SCAF8: variants seen among roughly 807,000 people sequenced by gnomAD.
SCAF8 encodes the protein SR-related and CTD-associated factor 8.
A neutral mutation model predicts 140.5 loss-of-function variants in SCAF8; 23 were observed. That is an observed-to-expected ratio of 0.16 (90% CI 0.12 to 0.23). The LOEUF (loss-of-function observed/expected upper bound fraction) is 0.23, where lower values mean the gene tolerates loss of function less well. Among genes scored for constraint, SCAF8 ranks in the 10% least tolerant of loss-of-function variants. The probability of loss-of-function intolerance (pLI) is 1.00; values close to 1 mark genes in which losing one functional copy is unlikely to be tolerated. For missense variants in SCAF8, 1,397 were observed against 1,555.7 expected (o/e 0.90, Z 1.72); for synonymous variants, 575 against 528.9 (o/e 1.09, Z -1.20).
At chr6:154,759,552 A>T (rs1270026533) in intron 1 of SCAF8, among the ~76,000 whole-genome samples, 6 of 152,206 alleles carry the variant, frequency 3.9e-5, no homozygotes, top group Admixed American at 3.3e-4. Flanking sequence ...AGGCAAAGAT[A>T]ATGAGAAAGC....
rs1284345678 is a variant in SCAF8, at chr6:154,808,490, C to T, written c.1114-196C>T. Among the ~76,000 whole-genome samples, 7 of 150,928 alleles carry T rather than the reference C, an allele frequency of 4.6e-5. No homozygotes were observed. In the South Asian group the frequency reaches 6.3e-4, roughly 13 times the overall value. ...TTTTTTTTTTAAGCTTATCAGCTGTCATTAGTGTTAGTATATTTTACGTGT... is the reference window on the plus strand; with the variant it reads ...TTTTTTTTTTAAGCTTATCAGCTGTTATTAGTGTTAGTATATTTTACGTGT... On this transcript the variant is annotated intron_variant, in intron 10 of 19. Coordinates refer to ENST00000367178, the MANE Select transcript of SCAF8 (RefSeq NM_014892.5).
At chr6:154,829,761 G>A (rs981785608) in intron 18 of SCAF8, among the ~76,000 whole-genome samples, 2 of 152,106 alleles carry the variant, frequency 1.3e-5, no homozygotes, top group African/African-American at 2.4e-5. Flanking sequence ...ACAGAAATTA[G>A]CCAGGTGTGG....
intron 3 of SCAF8, among the ~76,000 whole-genome samples, chr6:154,781,659 G>A (rs893995948): frequency 6.6e-6 from 1 of 152,090 alleles, no homozygotes; most frequent in Non-Finnish European, 1.5e-5. Context: ...AGTATTTCAG[G>A]GTATGAATTT....
intron 12 of SCAF8, among the ~76,000 whole-genome samples, chr6:154,811,356 CACTT>C (rs947947751): frequency 1.3e-5 from 2 of 150,808 alleles, no homozygotes; most frequent in African/African-American, 4.9e-5. Flanking sequence ...TTTAATTTCT[CACTT>C]AATTTGTCAT....
intron 17 of SCAF8, among the ~76,000 whole-genome samples, chr6:154,826,750 TATTAA>T (rs1778576945): frequency 6.6e-6 from 1 of 152,190 alleles, no homozygotes; most frequent in Admixed American, 6.5e-5. Flanking sequence ...AAAAAGCCAA[TATTAA>T]ATTGAAGATT....
chr6:154,827,235 C>T lies in SCAF8; in HGVS notation c.2135C>T (p.Pro712Leu), dbSNP rs768474047. ...CCCCCTACGATTCCACCAGTAGTAC[C>T]AACATGTAAGTTTTCTACTTTTAGA... ...VPPPTIPPVVPTSLVQPSLSM... is the reference protein window; with the variant it reads ...VPPPTIPPVVLTSLVQPSLSM... Residue 712 changes from proline (P) to leucine (L), a missense_variant, in exon 18 of 20, where the codon CCA becomes CTA. Physicochemically the swap from Pro to Leu is moderately conservative, Grantham distance 98. Coordinates refer to ENST00000367178, the MANE Select transcript of SCAF8 (RefSeq NM_014892.5). The T allele has an allele frequency of 2.5e-6, 4 of 1,597,726 alleles. No homozygotes were observed.
chr6:154,816,535 G>A (rs367806283), intron 13 of SCAF8, among the ~76,000 whole-genome samples: 2 of 152,032 alleles, frequency 1.3e-5, no homozygotes, highest in East Asian at 1.9e-4. Context: ...CTCCTGCTGT[G>A]TGGTGAAATG....
chr6:154,745,959 C>A (rs575942754), intron 1 of SCAF8, among the ~76,000 whole-genome samples: 16 of 152,264 alleles, frequency 1.1e-4, no homozygotes, highest in South Asian at 1.0e-3. Context: ...GATCTCAGCT[C>A]ACTGCAGCCT....
intron 15 of SCAF8, among the ~76,000 whole-genome samples, chr6:154,821,616 C>T (rs1778424560): frequency 6.6e-6 from 1 of 151,946 alleles, no homozygotes; most frequent in Admixed American, 6.6e-5. Context: ...ATGTGATATT[C>T]GAAAGGGTAA....
In SCAF8 at chr6:154,811,142, A is replaced by G. The variant is rs3778510; in HGVS notation, c.1420+934A>G. Among the ~76,000 whole-genome samples, 51 of 152,296 alleles carry G rather than the reference A, an allele frequency of 3.3e-4. 2 individuals are homozygous for G. In the East Asian group the frequency reaches 9.6e-3, roughly 29 times the overall value. On this transcript the variant is annotated intron_variant, in intron 12 of 19. Coordinates refer to ENST00000367178, the MANE Select transcript of SCAF8 (RefSeq NM_014892.5). ...TAGTGTCAACCTGATAATATTGATT[A>G]TCCTTGCTCTAGAAGTTTGTTTGTC...
At chr6:154,759,467 C>T (rs1779045484) in intron 1 of SCAF8, among the ~76,000 whole-genome samples, 2 of 151,958 alleles carry the variant, frequency 1.3e-5, no homozygotes, top group African/African-American at 4.8e-5. Context: ...TAGACAGTTG[C>T]CATGCTTGAA....
intron 12 of SCAF8, among the ~76,000 whole-genome samples, chr6:154,815,092 T>C (rs1484210631): frequency 6.6e-6 from 1 of 152,058 alleles, no homozygotes; most frequent in African/African-American, 2.4e-5. Flanking sequence ...GGTCAGGAGA[T>C]CGAGACCATC....
chr6:154,773,465 C>CT (rs1175369247), intron 1 of SCAF8, among the ~76,000 whole-genome samples: 2 of 152,174 alleles, frequency 1.3e-5, no homozygotes, highest in East Asian at 3.9e-4. Flanking sequence ...TGGGTGTCTG[C>CT]TTTTTTATGA....
At chr6:154,831,696 C>T (rs1778738744) in intron 19 of SCAF8, among the ~76,000 whole-genome samples, 1 of 98,004 alleles carries the variant, frequency 1.0e-5, no homozygotes, top group Non-Finnish European at 1.9e-5. Context: ...ACCTCCACTC[C>T]TGTTCTTAAA....
chr6:154,812,292 CTTTTTTTTTTT>C (rs759236847), intron 12 of SCAF8, among the ~76,000 whole-genome samples: 1 of 38,788 alleles, frequency 2.6e-5, no homozygotes, highest in Non-Finnish European at 4.8e-5. Context: ...TCTATGTCAG[CTTTTTTTTTTT>C]TTTTTTTTTT....
chr6:154,822,113 G>C, intron 15 of SCAF8, 163 bp from the exon 16 acceptor site: 1 of 600,956 alleles, frequency 1.7e-6, no homozygotes, highest in Non-Finnish European at 2.7e-6. Context: ...ATCCTAATCA[G>C]ATTAATCTGG....
At chr6:154,736,676 C>T (rs1280879648) in intron 1 of SCAF8, among the ~76,000 whole-genome samples, 3 of 152,062 alleles carry the variant, frequency 2.0e-5, no homozygotes, top group Non-Finnish European at 4.4e-5. Flanking sequence ...TCCAGTTTTT[C>T]GTTTTAATAT....
chr6:154,827,432 G>A (rs2114689445), intron 18 of SCAF8, among the ~76,000 whole-genome samples, 192 bp downstream of exon 18: 1 of 152,236 alleles, frequency 6.6e-6, no homozygotes, highest in Admixed American at 6.5e-5. Context: ...AAACTCTTAT[G>A]ATTGGTTTTA....
In SCAF8 at chr6:154,820,207, A is replaced by G; in HGVS notation, c.1666A>G (p.Thr556Ala). The G allele has an allele frequency of 1.2e-6, 2 of 1,603,964 alleles. No homozygotes were observed. The highest frequency in any genetic ancestry group is 1.7e-6 in the Non-Finnish European group (2 of 1,177,464). The change falls in exon 15 of 20, where the codon ACA (threonine) becomes GCA (alanine). Residue 556 changes from threonine (T) to alanine (A), a missense_variant. Around this residue, in one of 5 missense-constraint regions of SCAF8, gnomAD observed 59 missense variants for 110.7 expected, o/e 0.53. Transcript: ENST00000367178. ...TTGGGCTTTAAACAAAGGTGTAAAA[A>G]CAGAATACAAACAATTCTGGGATGT... ...IAWALNKGVK[T>A]EYKQFWDVDL...
Sources: gnomAD v4.1 joint callset for allele counts (sites outside exome capture counted in the v4.1 genomes callset) on GRCh38, gnomAD v4.1.1 for gene constraint, gnomAD v4.1.1 regional missense constraint, MANE v1.5 for transcripts, NCBI Gene and HGNC (gene_info 2026-07-23, HGNC 2026-07-21) for gene names.